FIGNL1: variants seen among roughly 807,000 people sequenced by gnomAD.
FIGNL1 encodes the protein fidgetin-like protein 1.
In FIGNL1, 11 loss-of-function variants were observed where a neutral mutation model predicts 28.9. The observed-to-expected ratio is 0.38, with a 90% CI of 0.24 to 0.63. The LOEUF is 0.63. Ranked by LOEUF, FIGNL1 falls within the 20% of genes least tolerant of loss-of-function variation. The pLI, the probability that FIGNL1 is intolerant of heterozygous loss-of-function variation, is 0.57. For synonymous variants in FIGNL1, 295 were observed against 276.5 expected (o/e 1.07, Z -0.66); for missense variants, 789 against 810.4 (o/e 0.97, Z 0.32).
At position 50,447,016 on chromosome 7, in the gene FIGNL1, C is replaced by A; in HGVS notation, c.272G>T (p.Gly91Val). ...NYAENILTLA[G>V]SQQTDSDKWQ... ...CTTGTCACTATCTGTTTGTTGAGAT[C>A]CTGCCAAAGTTAAAATGTTTTCTGC... The change falls in exon 4 of 4, where the codon GGA becomes GTA. Residue 91 changes from glycine to valine, a missense_variant. Physicochemically the swap from Gly to Val is moderately radical, Grantham distance 109 (BLOSUM62 -3). Transcript: ENST00000433017. 1 of 1,614,216 alleles carries A rather than the reference C, an allele frequency of 6.2e-7. No individual in the cohort carries two copies. Among genetic ancestry groups the A allele is most frequent in the Non-Finnish European group, 8.5e-7 (1 of 1,180,050 alleles).
intron 3 of FIGNL1, 45 bp from the exon 4 acceptor site, chr7:50,447,342 A>C: frequency 7.4e-7 from 1 of 1,345,466 alleles, no homozygotes; most frequent in Non-Finnish European, 1.0e-6. Context: ...AGGAAAACAA[A>C]GAAAATACTT....
In FIGNL1 at chr7:50,446,692, G is replaced by A. The variant is rs776586993; in HGVS notation, c.596C>T (p.Thr199Ile). Residue 199 changes from threonine to isoleucine, a missense_variant, in exon 4 of 4, where the codon ACT becomes ATT. Physicochemically the swap from Thr to Ile is moderately conservative, Grantham distance 89 (BLOSUM62 -1). Coordinates refer to ENST00000433017, the MANE Select transcript of FIGNL1 (RefSeq NM_001287492.4). ...QPPMVTNTAR[T>I]CPTFSAPVGE... Reference sequence around the variant, plus strand: ...TACAGGTGCTGAGAATGTAGGACAAGTCCTAGCAGTGTTAGTCACCATAGG... The same window carrying A: ...TACAGGTGCTGAGAATGTAGGACAAATCCTAGCAGTGTTAGTCACCATAGG... 6.2e-7 allele frequency: 1 copy of A among 1,614,226 alleles called. No individual in the cohort carries two copies. Among genetic ancestry groups the A allele is most frequent in the South Asian group, 1.1e-5 (1 of 91,088 alleles).
At chr7:50,447,349 A>T in intron 3 of FIGNL1, 52 bp from the exon 4 acceptor site, 1 of 1,300,806 alleles carries the variant, frequency 7.7e-7, no homozygotes, top group East Asian at 2.5e-5. Flanking sequence ...CAAAGAAAAT[A>T]CTTTAAATGT....
rs1820735357 is a variant in FIGNL1 at position 50,446,125 on chromosome 7, A to G, written c.1163T>C (p.Met388Thr). Residue 388 changes from methionine to threonine, a missense_variant, in exon 4 of 4, where the codon ATG (methionine) becomes ACG (threonine). Met to Thr is a moderately conservative substitution (Grantham distance 81). Coordinates refer to ENST00000433017, the MANE Select transcript of FIGNL1 (RefSeq NM_001287492.4). ...AGGTCCATGATCCATAATCTCATTC[A>G]TAATAAGTTCAATCATCTTTGGCTC... Reference protein sequence around the residue: ...NLEPKMIELIMNEIMDHGPPV... With the variant: ...NLEPKMIELITNEIMDHGPPV... 1 of 1,614,220 alleles carries G rather than the reference A, an allele frequency of 6.2e-7. No homozygotes were observed. The highest frequency in any genetic ancestry group is 1.7e-5 in the Admixed American group (1 of 60,032).
Position 50,445,974 on chromosome 7 carries a change from C to T in FIGNL1, c.1314G>A (p.Leu438=). Reference sequence around the variant, plus strand: ...TACCAGTCCCAGGAGGACCAAAGAGCAAAATTCCTTTAGGGGGTCCCCTTA... The same window carrying T: ...TACCAGTCCCAGGAGGACCAAAGAGTAAAATTCCTTTAGGGGGTCCCCTTA... ...TGLRGPPKGI[L]LFGPPGTGKT... The change falls in exon 4 of 4, where the codon TTG becomes TTA. Residue 438 remains leucine, a synonymous_variant. Transcript: ENST00000433017. 6.2e-7 allele frequency: 1 copy of T among 1,614,118 alleles called. No homozygotes were observed. Among genetic ancestry groups the T allele is most frequent in the Non-Finnish European group, 8.5e-7 (1 of 1,180,014 alleles).
At position 50,445,139 on chromosome 7, in the gene FIGNL1, C is replaced by T. The variant is rs1260030510; in HGVS notation, c.*124G>A. On this transcript the variant is annotated 3_prime_UTR_variant, in exon 4 of 4. Transcript: ENST00000433017. ...ATGTCAATCAGATGTAAAATCTGTG[C>T]TATTATTTGAAGTACAGAACTTAGA... 1 of 587,674 alleles carries T rather than the reference C, an allele frequency of 1.7e-6. No homozygotes were observed. The highest frequency in any genetic ancestry group is 3.7e-5 in the Admixed American group (1 of 26,950). 36.4% of individuals were successfully genotyped at this position (587,674 alleles called of 1,614,324 possible).
At position 50,449,690 on chromosome 7, in the gene FIGNL1, GAA is replaced by G. The variant is rs1306612988; in HGVS notation, c.-694_-693del. On this transcript the variant is annotated 5_prime_UTR_variant, in exon 2 of 4. Coordinates refer to ENST00000433017, the MANE Select transcript of FIGNL1 (RefSeq NM_001287492.4). ...TATCATCTGCCAGCAGTGACTGCAG[GAA>G]AATCTCTTAATGTCTTTCTGCCGGT... The G allele has an allele frequency of 6.6e-6, 1 of 152,352 alleles. No homozygotes were observed. Among genetic ancestry groups the G allele is most frequent in the African/African-American group, 2.4e-5 (1 of 41,584 alleles). The allele number at this position is 152,352 out of a possible 1,614,324, so 9.4% of individuals were successfully genotyped here. A position where few individuals can be genotyped will look rare whatever the true frequency, so the allele number is the denominator to read the frequency against.
In FIGNL1 at chr7:50,445,768, G is replaced by A; in HGVS notation, c.1520C>T (p.Ser507Phe). The A allele has an allele frequency of 6.2e-7, 1 of 1,612,006 alleles. No homozygotes were observed. The highest frequency in any genetic ancestry group is 8.5e-7 in the Non-Finnish European group (1 of 1,178,032). The change falls in exon 4 of 4, where the codon TCT (serine) becomes TTT (phenylalanine). Residue 507 changes from serine (S) to phenylalanine (F), a missense_variant. Ser to Phe is a radical substitution (Grantham distance 155). Coordinates refer to ENST00000433017, the MANE Select transcript of FIGNL1 (RefSeq NM_001287492.4). ...TTCATGCTCACCATCTCCCCGTTGAGATAACAAGGAATCAATTTCGTCAAT... is the reference window on the plus strand; with the variant it reads ...TTCATGCTCACCATCTCCCCGTTGAAATAACAAGGAATCAATTTCGTCAAT... Reference protein sequence around the residue: ...IFIDEIDSLLSQRGDGEHESS... With the variant: ...IFIDEIDSLLFQRGDGEHESS...
chr7:50,448,287 A>C lies in FIGNL1; in HGVS notation c.-117T>G, dbSNP rs1160128290. 6.6e-6 allele frequency: 1 copy of C among 152,220 alleles called. No individual in the cohort carries two copies. The highest frequency in any genetic ancestry group is 1.9e-4 in the East Asian group (1 of 5,204). 9.4% of individuals were successfully genotyped at this position (152,220 alleles called of 1,614,324 possible). On this transcript the variant is annotated splice_region_variant and 5_prime_UTR_variant, in exon 3 of 4. Transcript: ENST00000433017. Reference sequence around the variant, plus strand: ...GTACACAATGCTCCTTGATGCTGCTATCCTAGGTCACAGATTGAACAGCAT... The same window carrying C: ...GTACACAATGCTCCTTGATGCTGCTCTCCTAGGTCACAGATTGAACAGCAT...
chr7:50,446,169 A>G lies in FIGNL1; in HGVS notation c.1119T>C (p.Asp373=). Residue 373 remains aspartate (D), a synonymous_variant, in exon 4 of 4, where the codon GAT becomes GAC. Transcript: ENST00000433017. The part of the protein sequence containing the change: ...AGPTEPAHPV[D]ERLKNLEPKM... ...TTGGCTCCAAGTTCTTCAGACGCTC[A>G]TCAACTGGATGTGCTGGTTCTGTAG... The G allele has an allele frequency of 6.2e-7, 1 of 1,614,210 alleles. No homozygotes were observed. The highest frequency in any genetic ancestry group is 8.5e-7 in the Non-Finnish European group (1 of 1,180,042).
Position 50,445,910 on chromosome 7 carries a change from C to T in FIGNL1, c.1378G>A (p.Ala460Thr). The T allele has an allele frequency of 6.2e-7, 1 of 1,614,088 alleles. No homozygotes were observed. The highest frequency in any genetic ancestry group is 1.3e-5 in the African/African-American group (1 of 75,050). ...IGKCIASQSG[A>T]TFFSISASSL... ...GAAGCAGAGATGCTAAAGAATGTTG[C>T]CCCAGACTGACTAGCAATGCACTTG... The change falls in exon 4 of 4, where the codon GCA becomes ACA. Residue 460 changes from alanine (A) to threonine (T), a missense_variant. Coordinates refer to ENST00000433017, the MANE Select transcript of FIGNL1 (RefSeq NM_001287492.4).
At position 50,450,317 on chromosome 7, in the gene FIGNL1, A is replaced by T. The variant is rs1821808099; in HGVS notation, c.-742T>A. The T allele has an allele frequency of 1.3e-5, 2 of 152,394 alleles. No homozygotes were observed. Among genetic ancestry groups the T allele is most frequent in the Admixed American group, 6.5e-5 (1 of 15,284 alleles). 9.4% of individuals were successfully genotyped at this position (152,394 alleles called of 1,614,324 possible). On this transcript the variant is annotated 5_prime_UTR_variant, in exon 1 of 4. Transcript: ENST00000433017. ...GCATCCTACCTGCGGCTGGTGTGGG[A>T]CGCTGGCAGCCTCCGAAAAGCGCGG...
intron 3 of FIGNL1, 174 bp from the exon 4 acceptor site, chr7:50,447,471 G>A: frequency 4.0e-6 from 2 of 504,432 alleles, no homozygotes; most frequent in East Asian, 3.1e-5. Context: ...TAGATTTCAA[G>A]TATTCAAGAC....
rs1467950462 is a variant in FIGNL1, at chr7:50,445,493, G to A, written c.1795C>T (p.Gln599Ter). The A allele has an allele frequency of 1.2e-6, 2 of 1,614,050 alleles. No individual in the cohort carries two copies. Among genetic ancestry groups the A allele is most frequent in the Non-Finnish European group, 1.7e-6 (2 of 1,179,996 alleles). The change falls in exon 4 of 4, where the codon CAG becomes TAG. Residue 599 changes from glutamine to a stop codon, truncating the protein, a stop_gained. Transcript: ENST00000433017. LOFTEE classifies it high-confidence loss of function. The stretch of plus-strand genomic sequence containing the variant: ...TCTGCTCCTGAAAACGCATCAGACT[G>A]CTGTACAATCTGTTCAATTTCTTCT... Reference protein sequence around the residue: ...SEEEIEQIVQQSDAFSGADMT... With the variant: ...SEEEIEQIVQ
In FIGNL1 at chr7:50,446,520, CTG is replaced by C. The variant is rs865847820; in HGVS notation, c.766_767del (p.Gln256GlufsTer11). 2 of 1,614,052 alleles carry C rather than the reference CTG, an allele frequency of 1.2e-6. No homozygotes were observed. Among genetic ancestry groups the C allele is most frequent in the African/African-American group, 2.7e-5 (2 of 74,922 alleles). ...SCFPAACENP[Q>X]RKSFYGSGTI... is the part of the protein sequence containing the mutation. ...TGCCAGAACCATAAAAAGACTTCCT[CTG>C]TGGATTTTCACAGGCAGCAGGAAAA... is the stretch of plus-strand genomic sequence containing the variant. On this transcript the variant is annotated frameshift_variant, in exon 4 of 4. Transcript: ENST00000433017. LOFTEE classifies it high-confidence loss of function.
At chr7:50,450,232 A>G (rs1477002080) in intron 1 of FIGNL1, 69 bp downstream of exon 1, 1 of 152,184 alleles carries the variant, frequency 6.6e-6, no homozygotes, top group African/African-American at 2.4e-5. Context: ...CCTCTCCCCT[A>G]CGCCCCAACC....
chr7:50,450,305 G>A lies in FIGNL1; in HGVS notation c.-730C>T, dbSNP rs576718667. On this transcript the variant is annotated 5_prime_UTR_variant, in exon 1 of 4. Transcript: ENST00000433017. Reference sequence around the variant, plus strand: ...CCTCCCGTCACCGCATCCTACCTGCGGCTGGTGTGGGACGCTGGCAGCCTC... The same window carrying A: ...CCTCCCGTCACCGCATCCTACCTGCAGCTGGTGTGGGACGCTGGCAGCCTC... 6.6e-6 allele frequency: 1 copy of A among 152,570 alleles called. No individual in the cohort carries two copies. Among genetic ancestry groups the A allele is most frequent in the South Asian group, 2.1e-4 (1 of 4,842 alleles). 9.5% of individuals were successfully genotyped at this position (152,570 alleles called of 1,614,324 possible). A position where few individuals can be genotyped will look rare whatever the true frequency, so the allele number is the denominator to read the frequency against.
Position 50,449,607 on chromosome 7 carries a change from A to C in FIGNL1, c.-609T>G, listed in dbSNP as rs1485018536. ...TCATAGGATTCTGTTCTTGATGCAAAACGGGAGTTAAGAGCACAGGGTCTG... is the reference window on the plus strand; with the variant it reads ...TCATAGGATTCTGTTCTTGATGCAACACGGGAGTTAAGAGCACAGGGTCTG... On this transcript the variant is annotated 5_prime_UTR_variant, in exon 2 of 4. Coordinates refer to ENST00000433017, the MANE Select transcript of FIGNL1 (RefSeq NM_001287492.4). The C allele has an allele frequency of 6.6e-6, 1 of 152,220 alleles. No homozygotes were observed. The highest frequency in any genetic ancestry group is 1.9e-4 in the East Asian group (1 of 5,194). 9.4% of individuals were successfully genotyped at this position (152,220 alleles called of 1,614,324 possible).
At position 50,446,196 on chromosome 7, in the gene FIGNL1, T is replaced by C; in HGVS notation, c.1092A>G (p.Gly364=). 6.2e-7 allele frequency: 1 copy of C among 1,614,226 alleles called. No homozygotes were observed. Among genetic ancestry groups the C allele is most frequent in the Non-Finnish European group, 8.5e-7 (1 of 1,180,032 alleles). ...GGMQCKPYGA[G]PTEPAHPVDE... is the part of the protein sequence containing the mutation. ...CAACTGGATGTGCTGGTTCTGTAGGTCCTGCCCCATAAGGCTTACATTGCA... is the reference window on the plus strand; with the variant it reads ...CAACTGGATGTGCTGGTTCTGTAGGCCCTGCCCCATAAGGCTTACATTGCA... The change falls in exon 4 of 4, where the codon GGA becomes GGG. Residue 364 remains glycine (G), a synonymous_variant. Transcript: ENST00000433017.
Sources: allele counts gnomAD v4.1 joint callset, GRCh38; gene constraint gnomAD v4.1.1; transcripts MANE v1.5; gene names NCBI Gene and HGNC (gene_info 2026-07-23, HGNC 2026-07-21).